Variants in SULT1A2 observed in about 807,000 individuals in gnomAD.
SULT1A2 encodes sulfotransferase 1A2.
In SULT1A2, 33 loss-of-function variants were observed where a neutral mutation model predicts 36.0. That is an observed-to-expected ratio of 0.92 (90% CI 0.69 to 1.22). The LOEUF is 1.22. Ranked by LOEUF, SULT1A2 falls within the 50% of genes most tolerant of loss-of-function variation. The probability of loss-of-function intolerance (pLI) is 0.00; values close to 1 mark genes in which losing one functional copy is unlikely to be tolerated. For missense variants in SULT1A2, 367 were observed against 383.2 expected (o/e 0.96, Z 0.35); for synonymous variants, 138 against 144.5 (o/e 0.96, Z 0.32).
chr16:28,593,368 G>A lies in SULT1A2; in HGVS notation c.500-22C>T, dbSNP rs752611781. The A allele has an allele frequency of 1.2e-5, 20 of 1,614,184 alleles. 1 individual carries two copies. In the Admixed American group the frequency reaches 2.5e-4, roughly 20 times the overall value. ...GACACTGGAGAAGCGGGCAGGGAGT[G>A]CCGACACAGGGTTGCTGTGCGTTGT... On this transcript the variant is annotated intron_variant, in intron 5 of 7. Coordinates refer to ENST00000335715, the MANE Select transcript of SULT1A2 (RefSeq NM_001054.4).
chr16:28,595,404 G>A lies in SULT1A2; in HGVS notation c.335C>T (p.Ala112Val). Reference protein sequence around the residue: ...PRLLKTHLPLALLPQTLLDQK... With the variant: ...PRLLKTHLPLVLLPQTLLDQK... The stretch of plus-strand genomic sequence containing the variant: ...ATCCAACAGAGTCTGGGGGAGCAGA[G>A]CCAGGGGCAGGTGTGTCTTCAGGAG... The change falls in exon 4 of 8, where the codon GCT (alanine) becomes GTT (valine). Residue 112 changes from alanine (A) to valine (V), a missense_variant. Coordinates refer to ENST00000335715, the MANE Select transcript of SULT1A2 (RefSeq NM_001054.4). The A allele has an allele frequency of 6.2e-7, 1 of 1,614,096 alleles. No individual in the cohort carries two copies. The highest frequency in any genetic ancestry group is 8.5e-7 in the Non-Finnish European group (1 of 1,179,988).
At position 28,592,065 on chromosome 16, in the gene SULT1A2, A is replaced by G. The variant is rs932065241; in HGVS notation, c.851T>C (p.Met284Thr). Residue 284 changes from methionine (M) to threonine (T), a missense_variant, in exon 8 of 8, where the codon ATG becomes ACG. By Grantham distance (81) the Met-to-Thr change is moderately conservative (BLOSUM62 -1). Coordinates refer to ENST00000335715, the MANE Select transcript of SULT1A2 (RefSeq NM_001054.4). ...GCGGAAGCTGAGGCTGCAGCCTGCC[A>G]TCTTCTTCGCATAGTCCGCATCGAA... ...ERFDADYAKK[M>T]AGCSLSFRSE... 2.8e-5 allele frequency: 45 copies of G among 1,611,956 alleles called. No individual in the cohort carries two copies. Among genetic ancestry groups the G allele is most frequent in the Non-Finnish European group, 3.6e-5 (43 of 1,179,950 alleles).
At chr16:28,593,645 AAAG>A in intron 4 of SULT1A2, 77 bp from the exon 5 acceptor site, 1 of 1,597,240 alleles carries the variant, frequency 6.3e-7, no homozygotes, top group Non-Finnish European at 8.5e-7. Context: ...TTGGTTTGGC[AAAG>A]GAGGAAGCTG....
At chr16:28,592,801 A>G (rs187570477) in intron 6 of SULT1A2, among the ~76,000 whole-genome samples, 5,721 of 152,276 alleles carry the variant, frequency 0.038, 228 homozygotes, top group East Asian at 0.2. Flanking sequence ...AGGCTGAGGC[A>G]GGCGGATCAC....
intron 4 of SULT1A2, among the ~76,000 whole-genome samples, chr16:28,594,539 G>C (rs569934395): frequency 2.0e-5 from 3 of 152,106 alleles, no homozygotes; most frequent in African/African-American, 7.2e-5. Flanking sequence ...TGCAACCACC[G>C]CCTCCCAGGT....
rs1437795447 is a variant in SULT1A2, at chr16:28,596,395, C to T, written c.-4-461G>A. The stretch of plus-strand genomic sequence containing the variant: ...CCGATGTTCCCCTCCTTGAGCCCCT[C>T]GGCCCCTCACATGTGGCAACTCCTA... On this transcript the variant is annotated intron_variant, in intron 1 of 7. Transcript: ENST00000335715. 30 of 1,068,720 alleles carry T rather than the reference C, an allele frequency of 2.8e-5. 1 individual carries two copies. Among genetic ancestry groups the T allele is most frequent in the Non-Finnish European group, 3.3e-5 (28 of 861,504 alleles). The allele number at this position is 1,068,720 out of a possible 1,614,324, so 66.2% of individuals were successfully genotyped here. A position where few individuals can be genotyped will look rare whatever the true frequency, so the allele number is the denominator to read the frequency against.
Position 28,595,909 on chromosome 16 carries a change from A to G in SULT1A2, c.22T>C (p.Ser8Pro), listed in dbSNP as rs1466362153. 1.9e-6 allele frequency: 3 copies of G among 1,594,572 alleles called. No individual in the cohort carries two copies. The highest frequency in any genetic ancestry group is 2.6e-6 in the Non-Finnish European group (3 of 1,167,390). MELIQDI[S>P]RPPLEYVKGV... ...TTCACGTACTCCAGTGGCGGGCGAG[A>G]GATGTCCTGGATCAGCTCCATGTTC... The change falls in exon 2 of 8, where the codon TCT becomes CCT. Residue 8 changes from serine (S) to proline (P), a missense_variant. Physicochemically the swap from Ser to Pro is moderately conservative, Grantham distance 74. Coordinates refer to ENST00000335715, the MANE Select transcript of SULT1A2 (RefSeq NM_001054.4).
intron 1 of SULT1A2, chr16:28,596,142 C>A (rs1201706073): frequency 7.4e-7 from 1 of 1,358,686 alleles, no homozygotes; most frequent in East Asian, 2.5e-5. Context: ...ACCTTTCATT[C>A]ACCTGCGGAG....
chr16:28,597,039 G>C lies in SULT1A2; in HGVS notation c.-47C>G. Reference sequence around the variant, plus strand: ...TGGCCTTGTGCCCTCCTCGCCCGCAGTGGCTGAGTGTGGGTGTTGTGTGGG... The same window carrying C: ...TGGCCTTGTGCCCTCCTCGCCCGCACTGGCTGAGTGTGGGTGTTGTGTGGG... On this transcript the variant is annotated 5_prime_UTR_variant, in exon 1 of 8. Transcript: ENST00000335715. The C allele has an allele frequency of 7.8e-7, 1 of 1,283,358 alleles. No homozygotes were observed. The highest frequency in any genetic ancestry group is 2.2e-4 in the Middle Eastern group (1 of 4,648). The allele number at this position is 1,283,358 out of a possible 1,614,324, so 79.5% of individuals were successfully genotyped here.
At chr16:28,593,809 C>T (rs1334597669) in intron 4 of SULT1A2, among the ~76,000 whole-genome samples, 2 of 152,188 alleles carry the variant, frequency 1.3e-5, no homozygotes, top group East Asian at 1.9e-4. Flanking sequence ...ACACCCCGAT[C>T]TGGAGCAAGG....
intron 6 of SULT1A2, among the ~76,000 whole-genome samples, chr16:28,592,695 G>A (rs970006143): frequency 2.0e-5 from 3 of 152,134 alleles, no homozygotes; most frequent in African/African-American, 7.2e-5. Context: ...TGTGGCCCTG[G>A]GTGGCATAAC....
chr16:28,592,217 C>G lies in SULT1A2; in HGVS notation c.775+46G>C, dbSNP rs375334691. The G allele has an allele frequency of 8.1e-6, 13 of 1,613,894 alleles. No homozygotes were observed. The African/African-American group carries it at 1.7e-4, about 22-fold the overall frequency. On this transcript the variant is annotated intron_variant, in intron 7 of 7. Transcript: ENST00000335715. ...CCGAGTGCCTATGGGGAGGCTCCAGCTGCTGCTCCCACCTGCTCCAAACCC... is the reference window on the plus strand; with the variant it reads ...CCGAGTGCCTATGGGGAGGCTCCAGGTGCTGCTCCCACCTGCTCCAAACCC...
rs1453410006 is a variant in SULT1A2, at chr16:28,595,415, G to C, written c.324C>G (p.His108Gln). Reference protein sequence around the residue: ...NTPAPRLLKTHLPLALLPQTL... With the variant: ...NTPAPRLLKTQLPLALLPQTL... ...TCTGGGGGAGCAGAGCCAGGGGCAGGTGTGTCTTCAGGAGTCGTGGGGCTG... is the reference window on the plus strand; with the variant it reads ...TCTGGGGGAGCAGAGCCAGGGGCAGCTGTGTCTTCAGGAGTCGTGGGGCTG... The change falls in exon 4 of 8, where the codon CAC becomes CAG. Residue 108 changes from histidine to glutamine, a missense_variant. By Grantham distance (24) the His-to-Gln change is conservative (BLOSUM62 0). Coordinates refer to ENST00000335715, the MANE Select transcript of SULT1A2 (RefSeq NM_001054.4). The C allele has an allele frequency of 6.2e-6, 10 of 1,613,978 alleles. No individual in the cohort carries two copies. The highest frequency in any genetic ancestry group is 1.3e-5 in the African/African-American group (1 of 74,876).
In SULT1A2 at chr16:28,595,447, T is replaced by C. The variant is rs747728105; in HGVS notation, c.292A>G (p.Asn98Asp). ...TTCAGGAGTCGTGGGGCTGGTGTGT[T>C]TTTCAGAGTCTCCATCCCTGAGCAG... is the stretch of plus-strand genomic sequence containing the variant. ...GIPSGMETLKNTPAPRLLKTH... is the reference protein window; with the variant it reads ...GIPSGMETLKDTPAPRLLKTH... Residue 98 changes from asparagine (N) to aspartate (D), a missense_variant, in exon 4 of 8, where the codon AAC (asparagine) becomes GAC (aspartate). Asn to Asp is a conservative substitution (Grantham distance 23). Transcript: ENST00000335715. 134 of 1,613,610 alleles carry C rather than the reference T, an allele frequency of 8.3e-5. No homozygotes were observed. The Admixed American group carries it at 1.3e-3, about 16-fold the overall frequency.
In SULT1A2 at chr16:28,595,694, G is replaced by A. The variant is rs1209687512; in HGVS notation, c.149-19C>T. Reference sequence around the variant, plus strand: ...GTGGTGCCTGGAGAGGGAGGGAGATGGGAGGTGAGCAGGCTGAGGTGAGCA... The same window carrying A: ...GTGGTGCCTGGAGAGGGAGGGAGATAGGAGGTGAGCAGGCTGAGGTGAGCA... On this transcript the variant is annotated intron_variant, in intron 2 of 7. Coordinates refer to ENST00000335715, the MANE Select transcript of SULT1A2 (RefSeq NM_001054.4). 7 of 1,613,826 alleles carry A rather than the reference G, an allele frequency of 4.3e-6. No individual in the cohort carries two copies. Among genetic ancestry groups the A allele is most frequent in the South Asian group, 1.1e-5 (1 of 91,080 alleles).
At chr16:28,596,831 G>GAA (rs797021797) in intron 1 of SULT1A2, 166 bp downstream of exon 1, 124 of 347,122 alleles carry the variant, frequency 3.6e-4, no homozygotes, top group South Asian at 5.3e-4. Flanking sequence ...GGCCTCCCCG[G>GAA]AAAAAAAAAA....
At position 28,595,906 on chromosome 16, in the gene SULT1A2, G is replaced by A. The variant is rs1174429714; in HGVS notation, c.25C>T (p.Arg9Cys). The A allele has an allele frequency of 8.1e-6, 13 of 1,595,658 alleles. No individual in the cohort carries two copies. The highest frequency in any genetic ancestry group is 2.2e-5 in the East Asian group (1 of 44,820). Residue 9 changes from arginine (R) to cysteine (C), a missense_variant, in exon 2 of 8, where the codon CGC becomes TGC. By Grantham distance (180) the Arg-to-Cys change is radical (BLOSUM62 -3). Coordinates refer to ENST00000335715, the MANE Select transcript of SULT1A2 (RefSeq NM_001054.4). ...CCCTTCACGTACTCCAGTGGCGGGCGAGAGATGTCCTGGATCAGCTCCATG... is the reference window on the plus strand; with the variant it reads ...CCCTTCACGTACTCCAGTGGCGGGCAAGAGATGTCCTGGATCAGCTCCATG... MELIQDIS[R>C]PPLEYVKGVP...
chr16:28,594,355 T>C (rs1355205975), intron 4 of SULT1A2, among the ~76,000 whole-genome samples: 2 of 152,204 alleles, frequency 1.3e-5, no homozygotes, highest in African/African-American at 4.8e-5. Context: ...TTTCCTGGGC[T>C]GGTCTGGAAC....
Position 28,592,321 on chromosome 16 carries a change from G to A in SULT1A2, c.717C>T (p.Asn239=). Residue 239 remains asparagine (N), a synonymous_variant, in exon 7 of 8, where the codon AAC becomes AAT. Transcript: ENST00000335715. The part of the protein sequence containing the change: ...FKEMKKNPMT[N]YTTVRREFMD... ...TGAACTCCCGGCGGACGGTGGTGTA[G>A]TTGGTCATAGGGTTCTTCTTCATCT... 1 of 1,613,964 alleles carries A rather than the reference G, an allele frequency of 6.2e-7. No homozygotes were observed. The highest frequency in any genetic ancestry group is 8.5e-7 in the Non-Finnish European group (1 of 1,179,862).
Sources: allele counts gnomAD v4.1 joint callset (sites outside exome capture counted in the v4.1 genomes callset), GRCh38; gene constraint gnomAD v4.1.1; transcripts MANE v1.5; gene names NCBI Gene and HGNC (gene_info 2026-07-23, HGNC 2026-07-21).